TMEM273: variants seen among roughly 807,000 people sequenced by gnomAD.
TMEM273 encodes chromosome 10 open reading frame 128.
A neutral mutation model predicts 17.9 loss-of-function variants in TMEM273; 19 were observed. The observed-to-expected ratio is 1.06, with a 90% CI of 0.74 to 1.55. The LOEUF (loss-of-function observed/expected upper bound fraction) is 1.55. TMEM273 is among the 40% of genes most tolerant of loss of function. The pLI is 0.00. For synonymous variants in TMEM273, 66 were observed against 62.0 expected (o/e 1.07, Z -0.31); for missense variants, 194 against 155.6 (o/e 1.25, Z -1.31).
Position 49,175,145 on chromosome 10 carries a change from G to A in TMEM273, c.44-7183C>T, listed in dbSNP as rs140410352. 1.6e-3 allele frequency among the ~76,000 whole-genome samples: 247 copies of A among 152,196 alleles called. 1 individual carries two copies. The highest frequency in any genetic ancestry group is 5.4e-3 in the African/African-American group (226 of 41,524). ...GACAAGGTACAAGCAAAAGCCAGGC[G>A]ATTCAAGGAGGTACAGAGGGCTTGA... On this transcript the variant is annotated intron_variant, in intron 1 of 6. Transcript: ENST00000374153.
intron 1 of TMEM273, among the ~76,000 whole-genome samples, chr10:49,173,902 T>A (rs1846761882): frequency 6.6e-6 from 1 of 152,306 alleles, no homozygotes; most frequent in African/African-American, 2.4e-5. Context: ...TGAGACCATG[T>A]ACACTGTAGT....
At chr10:49,158,551 T>A (rs1424941017) in intron 6 of TMEM273, among the ~76,000 whole-genome samples, 1 of 152,182 alleles carries the variant, frequency 6.6e-6, no homozygotes, top group African/African-American at 2.4e-5. Context: ...AAGCACAACG[T>A]GTGTGCGGGT....
chr10:49,187,567 T>C (rs1847803103), intron 1 of TMEM273, among the ~76,000 whole-genome samples: 1 of 152,196 alleles, frequency 6.6e-6, no homozygotes, highest in South Asian at 2.1e-4. Flanking sequence ...GGCATGTGTC[T>C]CTCTCCATCT....
chr10:49,175,815 G>C (rs374036088), intron 1 of TMEM273, among the ~76,000 whole-genome samples: 3 of 152,308 alleles, frequency 2.0e-5, no homozygotes, highest in East Asian at 1.9e-4. Context: ...TGAGGAAGAC[G>C]GGGGTTCTGG....
intron 5 of TMEM273, among the ~76,000 whole-genome samples, chr10:49,162,961 C>T (rs778475090): frequency 1.3e-5 from 2 of 152,234 alleles, no homozygotes; most frequent in African/African-American, 4.8e-5. Flanking sequence ...GTGGGAGATG[C>T]TGACTCAGCG....
intron 2 of TMEM273, 40 bp downstream of exon 2, chr10:49,167,869 C>T (rs1159654660): frequency 6.2e-7 from 1 of 1,612,148 alleles, no homozygotes; most frequent in East Asian, 2.2e-5. Context: ...TCCTTCCTGC[C>T]CCTGACCCTG....
intron 5 of TMEM273, among the ~76,000 whole-genome samples, 193 bp from the exon 6 acceptor site, chr10:49,161,815 C>T (rs59598256): frequency 0.031 from 4,736 of 152,124 alleles, 243 homozygotes; most frequent in African/African-American, 0.1. Context: ...TCTGAAAGTC[C>T]CTCTATTTGC....
intron 1 of TMEM273, among the ~76,000 whole-genome samples, chr10:49,174,642 A>G (rs1309658508): frequency 6.6e-6 from 1 of 152,192 alleles, no homozygotes; most frequent in African/African-American, 2.4e-5. Flanking sequence ...GCTGGGGCAG[A>G]ACCCAAACCT....
intron 1 of TMEM273, among the ~76,000 whole-genome samples, chr10:49,173,861 AG>A (rs569111475): frequency 3.3e-5 from 5 of 152,044 alleles, no homozygotes; most frequent in South Asian, 2.1e-4. Context: ...CAGAGAGACA[AG>A]GGGGGGCGAT....
In TMEM273 at chr10:49,161,605, G is replaced by A; in HGVS notation, c.366C>T (p.Leu122=). The change falls in exon 6 of 7, where the codon CTC becomes CTT. Residue 122 remains leucine (L), a synonymous_variant. Coordinates refer to ENST00000374153, the MANE Select transcript of TMEM273 (RefSeq NM_001288740.3). ...GATCACTCTTACAACTCACCTTTTG[G>A]AGAAATTGTGGTTTCGCCTGCAAAA... ...EGLFKAKPQF[L]QKRCTGD 1 of 1,614,210 alleles carries A rather than the reference G, an allele frequency of 6.2e-7. No homozygotes were observed. Among genetic ancestry groups the A allele is most frequent in the Non-Finnish European group, 8.5e-7 (1 of 1,180,038 alleles).
intron 2 of TMEM273, 139 bp from the exon 3 acceptor site, chr10:49,167,148 C>T: frequency 8.5e-7 from 1 of 1,175,772 alleles, no homozygotes; most frequent in Non-Finnish European, 1.2e-6. Context: ...CTTCTACTCT[C>T]CCATGAGTCC....
intron 1 of TMEM273, among the ~76,000 whole-genome samples, chr10:49,186,091 A>AAGAAGG (rs1847685244): frequency 6.7e-6 from 1 of 149,572 alleles, no homozygotes; most frequent in Non-Finnish European, 1.5e-5. Flanking sequence ...GAAGAAGAAG[A>AAGAAGG]AGAAGAAGAA....
At position 49,166,447 on chromosome 10, in the gene TMEM273, C is replaced by T. The variant is rs553758578; in HGVS notation, c.238+422G>A. On this transcript the variant is annotated intron_variant, in intron 3 of 6. Coordinates refer to ENST00000374153, the MANE Select transcript of TMEM273 (RefSeq NM_001288740.3). ...ATCCGCCCACACTTAGGACCAACCT[C>T]GCTGCCTACTGGGACTGGGTTTATT... 322 of 256,170 alleles carry T rather than the reference C, an allele frequency of 1.3e-3. 1 individual carries two copies. Among genetic ancestry groups the T allele is most frequent in the African/African-American group, 7.0e-3 (310 of 44,530 alleles). 15.9% of individuals were successfully genotyped at this position (256,170 alleles called of 1,614,324 possible).
intron 1 of TMEM273, among the ~76,000 whole-genome samples, chr10:49,182,600 G>A (rs1308975640): frequency 6.6e-6 from 1 of 152,140 alleles, no homozygotes; most frequent in Non-Finnish European, 1.5e-5. Flanking sequence ...GATGGAATTA[G>A]AGTCCACAGG....
chr10:49,165,102 A>T, intron 5 of TMEM273, 103 bp downstream of exon 5: 1 of 1,419,704 alleles, frequency 7.0e-7, no homozygotes. Flanking sequence ...AAAATAGACA[A>T]ATCAATATAT....
intron 1 of TMEM273, among the ~76,000 whole-genome samples, chr10:49,184,185 A>C (rs1348584482): frequency 1.3e-5 from 2 of 152,256 alleles, no homozygotes; most frequent in African/African-American, 4.8e-5. Context: ...CGTAAATAAA[A>C]ATAAATTCCA....
chr10:49,177,837 G>T lies in TMEM273; in HGVS notation c.44-9875C>A, dbSNP rs920119382. Among the ~76,000 whole-genome samples the T allele has an allele frequency of 7.6e-5, 3 of 39,692 alleles. No individual in the cohort carries two copies. In the Admixed American group the frequency reaches 1.0e-3, roughly 13 times the overall value. 26.0% of individuals were successfully genotyped at this position (39,692 alleles called of 152,430 possible). A position where few individuals can be genotyped will look rare whatever the true frequency, so the allele number is the denominator to read the frequency against. On this transcript the variant is annotated intron_variant, in intron 1 of 6. Transcript: ENST00000374153. ...TGCCTGTCCAACACTGTCTGCCAGT[G>T]GGGCTAAGCATGGGCTGGCCAGGAG...
At chr10:49,167,838 TG>T (rs1189256176) in intron 2 of TMEM273, 70 bp downstream of exon 2, 7 of 1,587,564 alleles carry the variant, frequency 4.4e-6, no homozygotes, top group Admixed American at 3.3e-5. Flanking sequence ...TGCGGCCCTC[TG>T]CTTGCTTGTC....
rs761632514 is a variant in TMEM273, at chr10:49,166,929, T to C, written c.178A>G (p.Arg60Gly). Residue 60 changes from arginine (R) to glycine (G), a missense_variant, in exon 3 of 7, where the codon AGG becomes GGG. Coordinates refer to ENST00000374153, the MANE Select transcript of TMEM273 (RefSeq NM_001288740.3). ...GFLALKICMI[R>G]RHLFDDDSSD... ...GAGTCGTCGTCAAATAAGTGCCTCC[T>C]GATCATGCAGATCTTCAGGGCCAGG... 2 of 1,614,134 alleles carry C rather than the reference T, an allele frequency of 1.2e-6. No homozygotes were observed. The highest frequency in any genetic ancestry group is 3.3e-5 in the Admixed American group (2 of 60,030).
Sources: allele counts gnomAD v4.1 joint callset (sites outside exome capture counted in the v4.1 genomes callset), GRCh38; gene constraint gnomAD v4.1.1; transcripts MANE v1.5; gene names NCBI Gene and HGNC (gene_info 2026-07-23, HGNC 2026-07-21).